Variants in STARD13 observed in about 807,000 individuals in gnomAD.
The protein encoded by STARD13 is StAR related lipid transfer domain containing 13, also known as stAR-related lipid transfer protein 13.
In STARD13, 62 loss-of-function variants were observed where a neutral mutation model predicts 106.4. That is an observed-to-expected ratio of 0.58 (90% confidence interval 0.48 to 0.72). The LOEUF (loss-of-function observed/expected upper bound fraction) is 0.72. Among genes scored for constraint, STARD13 ranks in the 30% least tolerant of loss-of-function variants. The pLI is 0.00. For missense variants in STARD13, 1,387 were observed against 1,424.0 expected, an observed-to-expected ratio of 0.97 and a Z score of 0.42; for synonymous variants, 565 against 553.0, an observed-to-expected ratio of 1.02 and a Z score of -0.31.
In STARD13 at chr13:33,142,308, A is replaced by AAGTT; in HGVS notation, c.387+1_387+2insAACT. ...CATTCTTATTAAGGTGTGGGCACCT[A>AAGTT]CCTTTTTCCTTTGGAAGTTCACATC... On this transcript the variant is annotated splice_donor_variant, in intron 4 of 13. Transcript: ENST00000336934. LOFTEE classifies it high-confidence loss of function. 6.2e-7 allele frequency: 1 copy of AAGTT among 1,613,378 alleles called. No homozygotes were observed. Among genetic ancestry groups the AAGTT allele is most frequent in the South Asian group, 1.1e-5 (1 of 91,070 alleles).
the STARD13 span, among the ~76,000 whole-genome samples, chr13:33,565,045 G>A: frequency 1.4e-5 from 2 of 146,510 alleles, no homozygotes; most frequent in African/African-American, 5.0e-5. Flanking sequence ...CAGCACCATG[G>A]CTGGAACCAG....
chr13:33,255,007 A>G (rs958084084), intron 1 of STARD13, among the ~76,000 whole-genome samples: 1 of 152,160 alleles, frequency 6.6e-6, no homozygotes, highest in African/African-American at 2.4e-5. Context: ...ACTGAGCTGG[A>G]TAACACTCAC....
intron 1 of STARD13, among the ~76,000 whole-genome samples, chr13:33,200,952 G>A (rs1174966743): frequency 6.6e-6 from 1 of 152,112 alleles, no homozygotes; most frequent in African/African-American, 2.4e-5. Context: ...CGTGAACCCA[G>A]GAGGCGGAGC....
the STARD13 span, among the ~76,000 whole-genome samples, chr13:33,560,635 C>CGTTATGTA: frequency 6.6e-6 from 1 of 151,454 alleles, no homozygotes; most frequent in Non-Finnish European, 1.5e-5. Flanking sequence ...AAATAACCAC[C>CGTTATGTA]TTTCAGAATA....
chr13:33,145,910 C>T (rs575765592), intron 3 of STARD13, among the ~76,000 whole-genome samples: 96 of 152,326 alleles, frequency 6.3e-4, no homozygotes, highest in Non-Finnish European at 2.9e-5. Flanking sequence ...CACGGCTGGG[C>T]ATGGTGGCTC....
chr13:33,191,763 C>T (rs902430704), intron 1 of STARD13, among the ~76,000 whole-genome samples: 8 of 152,240 alleles, frequency 5.3e-5, no homozygotes, highest in African/African-American at 1.9e-4. Flanking sequence ...TGACATCAAC[C>T]TCAACTGATT....
the STARD13 span, among the ~76,000 whole-genome samples, chr13:33,409,150 C>A: frequency 2.0e-5 from 3 of 152,044 alleles, no homozygotes; most frequent in Non-Finnish European, 4.4e-5. Context: ...GTATGTATCT[C>A]CAATACCTAG....
chr13:33,606,614 C>T, the STARD13 span, among the ~76,000 whole-genome samples: 2 of 152,154 alleles, frequency 1.3e-5, no homozygotes, highest in Non-Finnish European at 2.9e-5. Context: ...ATCTCAAAAG[C>T]TTTGATATGT....
At chr13:33,211,807 G>GTGTGTGTGTGTGTGTGTGTA (rs1887733066) in intron 1 of STARD13, among the ~76,000 whole-genome samples, 2 of 127,070 alleles carry the variant, frequency 1.6e-5, no homozygotes, top group African/African-American at 3.1e-5. Flanking sequence ...AGCTGACTCT[G>GTGTGTGTGTGTGTGTGTGTA]TGTGTGTGTG....
At chr13:33,587,865 T>C in the STARD13 span, among the ~76,000 whole-genome samples, 1 of 152,218 alleles carries the variant, frequency 6.6e-6, no homozygotes, top group Non-Finnish European at 1.5e-5. Flanking sequence ...AAAAGAAGTG[T>C]ATAAAAATCT....
chr13:33,593,806 T>TCTAGAGATGGGATCAGTCCCCATCTCC, the STARD13 span, among the ~76,000 whole-genome samples: 2 of 152,106 alleles, frequency 1.3e-5, no homozygotes, highest in Non-Finnish European at 2.9e-5. Context: ...ATCCCATCTC[T>TCTAGAGATGGGATCAGTCCCCATCTCC]CTAGAGATGG....
chr13:33,106,753 C>T lies in STARD13; in HGVS notation c.3224+5G>A. The T allele has an allele frequency of 1.2e-6, 2 of 1,602,032 alleles. No individual in the cohort carries two copies. The highest frequency in any genetic ancestry group is 1.7e-4 in the Middle Eastern group (1 of 6,018). On this transcript the variant is annotated splice_donor_5th_base_variant and intron_variant, in intron 13 of 13. Transcript: ENST00000336934. ...GAGCCTGCCATTAAGGGAGTCAGCA[C>T]TTACTTCAGGTCTATCCTGCAGATG...
chr13:33,527,440 T>C, the STARD13 span, among the ~76,000 whole-genome samples: 1 of 152,056 alleles, frequency 6.6e-6, no homozygotes, highest in South Asian at 2.1e-4. Context: ...TTCTACTACA[T>C]ACAATTGAGC....
At chr13:33,543,601 C>A in the STARD13 span, among the ~76,000 whole-genome samples, 2 of 152,098 alleles carry the variant, frequency 1.3e-5, no homozygotes, top group African/African-American at 4.8e-5. Context: ...GTTTAGATAG[C>A]ACATGTTAAC....
At chr13:33,335,268 T>C (rs2077882499) in intron 1 of STARD13, 1 of 152,224 alleles carries the variant, frequency 6.6e-6, no homozygotes, top group East Asian at 1.9e-4. Flanking sequence ...TTAGCTGTAA[T>C]GCGCTAGAGA....
At chr13:33,270,575 G>A (rs1000523772) in intron 1 of STARD13, among the ~76,000 whole-genome samples, 2 of 152,144 alleles carry the variant, frequency 1.3e-5, no homozygotes, top group Non-Finnish European at 2.9e-5. Flanking sequence ...ACTGAGGCAT[G>A]AGAGGTTAAC....
chr13:33,538,329 A>G, the STARD13 span, among the ~76,000 whole-genome samples: 8 of 152,222 alleles, frequency 5.3e-5, no homozygotes, highest in African/African-American at 1.9e-4. Flanking sequence ...ACTAAGAAGC[A>G]GAGAAGCTGA....
intron 1 of STARD13, among the ~76,000 whole-genome samples, chr13:33,284,512 G>T (rs1044630996): frequency 1.3e-5 from 2 of 151,782 alleles, no homozygotes; most frequent in Admixed American, 6.6e-5. Flanking sequence ...GGAGGAGGGT[G>T]ATCATTAACT....
Position 33,106,857 on chromosome 13 carries a change from A to T in STARD13, c.3125T>A (p.Leu1042Gln). The T allele has an allele frequency of 6.2e-7, 1 of 1,614,224 alleles. No homozygotes were observed. The highest frequency in any genetic ancestry group is 8.5e-7 in the Non-Finnish European group (1 of 1,180,038). ...LSVEHEEAQL[L>Q]GGVRAVVMDS... ...CATCACCACTGCTCGCACACCACCC[A>T]GGAGCTGGGCTTCCTCATGCTCCAC... Residue 1042 changes from leucine to glutamine, a missense_variant, in exon 13 of 14, where the codon CTG (leucine) becomes CAG (glutamine). Transcript: ENST00000336934.
Sources: allele counts gnomAD v4.1 joint callset (sites outside exome capture counted in the v4.1 genomes callset), GRCh38; gene constraint gnomAD v4.1.1; transcripts MANE v1.5; gene names NCBI Gene and HGNC (gene_info 2026-07-23, HGNC 2026-07-21).